PAK5: variants seen among roughly 807,000 people sequenced by gnomAD.
The protein encoded by PAK5 is p21 (RAC1) activated kinase 5, also known as serine/threonine-protein kinase PAK 5.
PAK5 carries 16 observed loss-of-function variants against 65.9 expected under a neutral mutation model. The ratio of observed to expected loss-of-function variants is 0.24; its 90% CI spans 0.16 to 0.37. The LOEUF (loss-of-function observed/expected upper bound fraction) is 0.37. Ranked by LOEUF, PAK5 falls within the 10% of genes least tolerant of loss-of-function variation. The pLI, the probability that PAK5 is intolerant of heterozygous loss-of-function variation, is 1.00. For missense variants in PAK5, 785 were observed against 903.9 expected (o/e 0.87, Z 1.69); for synonymous variants, 371 against 354.9 (o/e 1.05, Z -0.51).
intron 3 of PAK5, among the ~76,000 whole-genome samples, chr20:9,613,141 C>T (rs2046594816): frequency 6.6e-6 from 1 of 152,198 alleles, no homozygotes; most frequent in Admixed American, 6.5e-5. Context: ...ACTTTATTGA[C>T]AAAAACAGAT....
In PAK5 at chr20:9,698,238, CAT is replaced by C. The variant is rs758339565; in HGVS notation, c.-12+13046_-12+13047del. ...TTTGAACTTTTAAAGCCTTTTCACA[CAT>C]GATTTCCTTTGATGTTTACAACACT... On this transcript the variant is annotated intron_variant, in intron 2 of 9. Transcript: ENST00000353224. 5.1e-4 allele frequency among the ~76,000 whole-genome samples: 78 copies of C among 152,188 alleles called. No homozygotes were observed. In the Middle Eastern group the frequency reaches 0.014, roughly 27 times the overall value.
chr20:9,541,164 TGAGGAAG>T (rs1470214963), intron 9 of PAK5, among the ~76,000 whole-genome samples: 1 of 152,020 alleles, frequency 6.6e-6, no homozygotes, highest in Non-Finnish European at 1.5e-5. Context: ...GATTTAGGGG[TGAGGAAG>T]GAGGAGATAT....
At position 9,722,995 on chromosome 20, in the gene PAK5, G is replaced by A. The variant is rs150696786; in HGVS notation, c.-161-11560C>T. Among the ~76,000 whole-genome samples, 584 of 152,218 alleles carry A rather than the reference G, an allele frequency of 3.8e-3. 5 individuals are homozygous for A. The highest frequency in any genetic ancestry group is 0.013 in the African/African-American group (560 of 41,520). Reference sequence around the variant, plus strand: ...ATCCTCCCCCCCTCATTCTCCCAAAGTGCTGGGATTACAGGTGTGAGCCAC... The same window carrying A: ...ATCCTCCCCCCCTCATTCTCCCAAAATGCTGGGATTACAGGTGTGAGCCAC... On this transcript the variant is annotated intron_variant, in intron 1 of 9. Coordinates refer to ENST00000353224, the MANE Select transcript of PAK5 (RefSeq NM_177990.4).
intron 3 of PAK5, among the ~76,000 whole-genome samples, chr20:9,612,427 T>C (rs1220436341): frequency 6.6e-6 from 1 of 152,290 alleles, no homozygotes; most frequent in East Asian, 1.9e-4. Context: ...GTCTGGCATC[T>C]GCTCAGCTTC....
intron 3 of PAK5, among the ~76,000 whole-genome samples, chr20:9,597,992 G>A (rs1482458190): frequency 6.6e-6 from 1 of 152,236 alleles, no homozygotes; most frequent in African/African-American, 2.4e-5. Context: ...TACATGTGGA[G>A]GACGTGCAGT....
intron 1 of PAK5, among the ~76,000 whole-genome samples, chr20:9,714,587 A>G (rs918077135): frequency 6.6e-6 from 1 of 152,128 alleles, no homozygotes; most frequent in African/African-American, 2.4e-5. Flanking sequence ...TAAAATGGTT[A>G]CCCTTAACAT....
intron 1 of PAK5, among the ~76,000 whole-genome samples, chr20:9,774,416 A>G (rs1272942095): frequency 6.6e-6 from 1 of 152,242 alleles, no homozygotes; most frequent in Non-Finnish European, 1.5e-5. Flanking sequence ...GACTTTTCAT[A>G]CATTGCTGAT....
rs2123015441 is a variant in PAK5, at chr20:9,580,586, A to G, written c.549T>C (p.Ser183=). Residue 183 remains serine, a synonymous_variant, in exon 4 of 10, where the codon TCT becomes TCC. Transcript: ENST00000353224. ...MKMKHGEAYY[S]EVKPLKSDFA... ...AATCGGATTTCAAAGGCTTCACCTCAGAATAGTAGGCCTCCCCGTGCTTCA... is the reference window on the plus strand; with the variant it reads ...AATCGGATTTCAAAGGCTTCACCTCGGAATAGTAGGCCTCCCCGTGCTTCA... The G allele has an allele frequency of 6.2e-7, 1 of 1,614,186 alleles. No homozygotes were observed. The highest frequency in any genetic ancestry group is 1.1e-5 in the South Asian group (1 of 91,086).
At chr20:9,575,689 T>C (rs2045873890) in intron 4 of PAK5, 1 of 152,142 alleles carries the variant, frequency 6.6e-6, no homozygotes, top group African/African-American at 2.4e-5. Context: ...TAAACAGCAT[T>C]CCATGGGCAC....
intron 1 of PAK5, among the ~76,000 whole-genome samples, chr20:9,802,942 A>AT (rs1555929083): frequency 1.4e-5 from 2 of 139,986 alleles, no homozygotes; most frequent in African/African-American, 2.6e-5. Flanking sequence ...ATGAATTACT[A>AT]ATAGCAAAAA....
chr20:9,698,318 G>A (rs1428553363), intron 2 of PAK5, among the ~76,000 whole-genome samples: 2 of 151,896 alleles, frequency 1.3e-5, no homozygotes, highest in Non-Finnish European at 2.9e-5. Flanking sequence ...TAGACATAAG[G>A]AAAAACAACT....
chr20:9,829,045 T>C (rs1233200136), intron 1 of PAK5, among the ~76,000 whole-genome samples: 1 of 152,216 alleles, frequency 6.6e-6, no homozygotes, highest in African/African-American at 2.4e-5. Context: ...TTATCATCAA[T>C]GACACAATGG....
chr20:9,599,834 G>A (rs73063758), intron 3 of PAK5, among the ~76,000 whole-genome samples: 15,875 of 152,028 alleles, frequency 0.1, 993 homozygotes, highest in East Asian at 0.28. Context: ...GTAATTCAGT[G>A]CAAAAAGTTT....
At chr20:9,581,075 GTGT>G in intron 3 of PAK5, 145 bp from the exon 4 acceptor site, 2 of 617,784 alleles carry the variant, frequency 3.2e-6, no homozygotes, top group Non-Finnish European at 5.6e-6. Flanking sequence ...TAAAGAAAAT[GTGT>G]TGATTGACTT....
chr20:9,702,086 A>G (rs776027098), intron 2 of PAK5, among the ~76,000 whole-genome samples: 4 of 152,192 alleles, frequency 2.6e-5, no homozygotes, highest in Non-Finnish European at 5.9e-5. Flanking sequence ...TTTGCCCTCA[A>G]AAATAAATGA....
At chr20:9,791,620 G>T (rs924135449) in intron 1 of PAK5, among the ~76,000 whole-genome samples, 2 of 152,114 alleles carry the variant, frequency 1.3e-5, no homozygotes, top group Middle Eastern at 3.2e-3. Context: ...AATGAGAGCA[G>T]TAAATAATTC....
intron 2 of PAK5, among the ~76,000 whole-genome samples, chr20:9,687,189 T>A (rs750127154): frequency 1.3e-5 from 2 of 152,200 alleles, no homozygotes; most frequent in Non-Finnish European, 2.9e-5. Flanking sequence ...CTGCCCATAC[T>A]GGCAGCTGAG....
At chr20:9,765,427 T>G (rs1424754700) in intron 1 of PAK5, among the ~76,000 whole-genome samples, 5 of 152,152 alleles carry the variant, frequency 3.3e-5, no homozygotes, top group Non-Finnish European at 7.3e-5. Flanking sequence ...ACATTTCCTA[T>G]CCCTCCCTAG....
intron 1 of PAK5, among the ~76,000 whole-genome samples, chr20:9,799,743 C>T (rs760010001): frequency 2.6e-5 from 4 of 151,624 alleles, no homozygotes; most frequent in African/African-American, 4.8e-5. Flanking sequence ...AATGAGAGAG[C>T]AGCATGACAC....
Sources: gnomAD v4.1 joint callset for allele counts (sites outside exome capture counted in the v4.1 genomes callset) on GRCh38, gnomAD v4.1.1 for gene constraint, MANE v1.5 for transcripts, NCBI Gene and HGNC (gene_info 2026-07-23, HGNC 2026-07-21) for gene names.